The following AGPS variants were observed in gnomAD, a reference collection of about 807,000 sequenced individuals.
The protein encoded by AGPS is alkylglycerone phosphate synthase, also known as alkyldihydroxyacetonephosphate synthase, peroxisomal.
AGPS carries 26 observed loss-of-function variants against 90.7 expected under a neutral mutation model. The observed-to-expected ratio is 0.29, with a 90% CI of 0.21 to 0.40. The LOEUF is 0.40. Ranked by LOEUF, AGPS falls within the 10% of genes least tolerant of loss-of-function variation. The pLI is 1.00. For synonymous variants in AGPS, 294 were observed against 285.3 expected, an observed-to-expected ratio of 1.03 and a Z score of -0.31; for missense variants, 540 against 816.1, an observed-to-expected ratio of 0.66 and a Z score of 4.12.
At chr2:177,409,801 C>T (rs1685569108) in intron 1 of AGPS, among the ~76,000 whole-genome samples, 1 of 152,128 alleles carries the variant, frequency 6.6e-6, no homozygotes, top group South Asian at 2.1e-4. Context: ...ACCATTTATA[C>T]TTCTACACCT....
chr2:177,461,358 A>G (rs1334656650), intron 8 of AGPS, among the ~76,000 whole-genome samples: 1 of 152,256 alleles, frequency 6.6e-6, no homozygotes, highest in Non-Finnish European at 1.5e-5. Context: ...TACATGCAGG[A>G]AACCTATCCA....
intron 17 of AGPS, among the ~76,000 whole-genome samples, chr2:177,517,284 A>G (rs962719755): frequency 3.3e-5 from 5 of 152,132 alleles, no homozygotes; most frequent in African/African-American, 1.2e-4. Flanking sequence ...GTATATACAC[A>G]TTCAACATGT....
At chr2:177,406,363 A>G (rs1198754753) in intron 1 of AGPS, among the ~76,000 whole-genome samples, 1 of 152,256 alleles carries the variant, frequency 6.6e-6, no homozygotes, top group Non-Finnish European at 1.5e-5. Flanking sequence ...ATATATAGAT[A>G]TATAAAAGAT....
In AGPS at chr2:177,542,269, C is replaced by G. The variant is rs1217304864; in HGVS notation, c.*4074C>G. 6.6e-6 allele frequency: 1 copy of G among 152,128 alleles called. No homozygotes were observed. The highest frequency in any genetic ancestry group is 2.4e-5 in the African/African-American group (1 of 41,460). The allele number at this position is 152,128 out of a possible 1,614,324, so 9.4% of individuals were successfully genotyped here. Reference sequence around the variant, plus strand: ...GAGGATATTGTTAGCTAGGTTTTGTCAATCCCTAATCATTTTTTAAAATCA... The same window carrying G: ...GAGGATATTGTTAGCTAGGTTTTGTGAATCCCTAATCATTTTTTAAAATCA... On this transcript the variant is annotated 3_prime_UTR_variant, in exon 20 of 20. Coordinates refer to ENST00000264167, the MANE Select transcript of AGPS (RefSeq NM_003659.4).
At chr2:177,426,763 G>A (rs144404193) in intron 2 of AGPS, among the ~76,000 whole-genome samples, 2,059 of 152,266 alleles carry the variant, frequency 0.014, 47 homozygotes, top group African/African-American at 0.047. Context: ...GCTGGGTTCA[G>A]TTTGCCAGTA....
chr2:177,429,671 T>C (rs1686182358), intron 2 of AGPS, among the ~76,000 whole-genome samples: 1 of 152,198 alleles, frequency 6.6e-6, no homozygotes, highest in African/African-American at 2.4e-5. Flanking sequence ...ACAGCAAAGA[T>C]GGCAGCCTGC....
At chr2:177,436,648 C>A in intron 3 of AGPS, 116 bp from the exon 4 acceptor site, 1 of 978,344 alleles carries the variant, frequency 1.0e-6, no homozygotes. Context: ...TCCTATGCTT[C>A]AGCCTTACTT....
intron 3 of AGPS, 111 bp from the exon 4 acceptor site, chr2:177,436,653 T>A (rs1228609337): frequency 4.7e-6 from 5 of 1,053,600 alleles, no homozygotes; most frequent in Non-Finnish European, 7.2e-6. Flanking sequence ...TGCTTCAGCC[T>A]TACTTTGAAT....
intron 9 of AGPS, among the ~76,000 whole-genome samples, chr2:177,467,175 T>A (rs907191382): frequency 6.6e-6 from 1 of 152,104 alleles, no homozygotes; most frequent in Admixed American, 6.5e-5. Context: ...AGCACATGAA[T>A]GTATCTAGTT....
At chr2:177,467,928 G>A (rs11891003) in intron 9 of AGPS, among the ~76,000 whole-genome samples, 131,828 of 152,064 alleles carry the variant, frequency 0.87, 57,348 homozygotes, top group East Asian at 0.98. Context: ...ATTTGACCTG[G>A]TCATAATTAA....
chr2:177,519,132 T>C (rs558649839), intron 17 of AGPS, among the ~76,000 whole-genome samples: 14 of 152,290 alleles, frequency 9.2e-5, no homozygotes, highest in African/African-American at 3.4e-4. Context: ...ATGTCAGAAT[T>C]GTAGTTATTT....
chr2:177,534,584 TTTG>T (rs1402318607), intron 19 of AGPS, among the ~76,000 whole-genome samples: 1 of 118,722 alleles, frequency 8.4e-6, no homozygotes, highest in Non-Finnish European at 1.6e-5. Context: ...TCTTTTCTTT[TTTG>T]TTTCTTTTTT....
chr2:177,487,687 CA>C (rs1370247027), intron 11 of AGPS, among the ~76,000 whole-genome samples: 2 of 152,008 alleles, frequency 1.3e-5, no homozygotes, highest in African/African-American at 4.8e-5. Flanking sequence ...TATTTTAAAT[CA>C]TTTTTTTTGT....
chr2:177,462,576 A>C (rs1159802448), intron 9 of AGPS, among the ~76,000 whole-genome samples: 2 of 152,082 alleles, frequency 1.3e-5, no homozygotes, highest in African/African-American at 4.8e-5. Context: ...TAGATGTTTC[A>C]CAGTATCCAG....
At chr2:177,459,384 A>G (rs1288802912) in intron 8 of AGPS, among the ~76,000 whole-genome samples, 4 of 152,244 alleles carry the variant, frequency 2.6e-5, no homozygotes, top group Non-Finnish European at 5.9e-5. Flanking sequence ...GTGAACAGGC[A>G]ACCTACAGAA....
intron 8 of AGPS, among the ~76,000 whole-genome samples, chr2:177,448,762 C>G (rs1686850704): frequency 6.6e-6 from 1 of 152,124 alleles, no homozygotes; most frequent in Non-Finnish European, 1.5e-5. Flanking sequence ...AAACCATCAT[C>G]ACAATCAAGA....
intron 17 of AGPS, among the ~76,000 whole-genome samples, chr2:177,515,312 G>A (rs1688990804): frequency 6.6e-6 from 1 of 151,850 alleles, no homozygotes; most frequent in Admixed American, 6.6e-5. Context: ...CTCTTTTATT[G>A]TAATCCTGAA....
At chr2:177,401,533 A>G (rs1382232470) in intron 1 of AGPS, among the ~76,000 whole-genome samples, 1 of 151,274 alleles carries the variant, frequency 6.6e-6, no homozygotes, top group Non-Finnish European at 1.5e-5. Context: ...TTGAATCTAG[A>G]TTTTTTAATT....
At chr2:177,439,913 G>T (rs529711356) in intron 5 of AGPS, among the ~76,000 whole-genome samples, 98 of 152,182 alleles carry the variant, frequency 6.4e-4, no homozygotes, top group Non-Finnish European at 1.1e-3. Context: ...CTCTTGCTTG[G>T]CATTTAAAAT....
Sources: gnomAD v4.1 joint callset for allele counts (sites outside exome capture counted in the v4.1 genomes callset) on GRCh38, gnomAD v4.1.1 for gene constraint, MANE v1.5 for transcripts, NCBI Gene and HGNC (gene_info 2026-07-23, HGNC 2026-07-21) for gene names.